CD163L1: variants seen among roughly 807,000 people sequenced by gnomAD.
CD163L1 encodes the protein scavenger receptor cysteine-rich type 1 protein M160.
A neutral mutation model predicts 165.4 loss-of-function variants in CD163L1; 124 were observed. The ratio of observed to expected loss-of-function variants is 0.75; its 90% CI spans 0.65 to 0.87. The LOEUF (loss-of-function observed/expected upper bound fraction) is 0.87. Ranked by LOEUF, CD163L1 falls within the 40% of genes least tolerant of loss-of-function variation. The pLI is 0.00. For missense variants in CD163L1, 1,525 were observed against 1,799.9 expected (o/e 0.85, Z 2.76); for synonymous variants, 585 against 662.2 (o/e 0.88, Z 1.79).
rs1353049534 is a variant in CD163L1 at position 7,400,702 on chromosome 12, A to T, written c.1409-2118T>A. Among the ~76,000 whole-genome samples the T allele has an allele frequency of 6.6e-6, 1 of 152,128 alleles. No individual in the cohort carries two copies. The highest frequency in any genetic ancestry group is 1.5e-5 in the Non-Finnish European group (1 of 68,034). On this transcript the variant is annotated intron_variant, in intron 6 of 19. Coordinates refer to ENST00000313599, the MANE Select transcript of CD163L1 (RefSeq NM_174941.6). This position sits in a 1 kb window ranked among gnomAD's most constrained non-coding sequence, Gnocchi z 4.1. ...CCAACCAATTCATAGGTTTAATATT[A>T]CCTTAAAAACAATTCCAATGTCAAT...
chr12:7,350,562 T>C (rs887794931), downstream of CD163L1, among the ~76,000 whole-genome samples: 2 of 152,198 alleles, frequency 1.3e-5, no homozygotes, highest in East Asian at 3.8e-4. Context: ...CCTCAACTTA[T>C]AAATGTCAAT....
At position 7,400,770 on chromosome 12, in the gene CD163L1, T is replaced by C. The variant is rs750097859; in HGVS notation, c.1409-2186A>G. Among the ~76,000 whole-genome samples, 49 of 152,318 alleles carry C rather than the reference T, an allele frequency of 3.2e-4. 2 individuals are homozygous for C. In the South Asian group the frequency reaches 9.5e-3, roughly 30 times the overall value. On this transcript the variant is annotated intron_variant, in intron 6 of 19. Transcript: ENST00000313599. This position sits in a 1 kb window ranked among gnomAD's most constrained non-coding sequence, Gnocchi z 4.1. ...AAAAGGAAAAAGTAGCAAGGAATTTTATGAAAAATAAGAATACTTAGGCAA... is the reference window on the plus strand; with the variant it reads ...AAAAGGAAAAAGTAGCAAGGAATTTCATGAAAAATAAGAATACTTAGGCAA...
chr12:7,322,557 A>T, the CD163L1 span: 2 of 1,607,580 alleles, frequency 1.2e-6, no homozygotes. Context: ...TCTAAAGGGC[A>T]TTTATGTTTA....
intron 4 of CD163L1, among the ~76,000 whole-genome samples, chr12:7,411,996 T>C (rs771166061): frequency 1.3e-5 from 2 of 152,346 alleles, no homozygotes; most frequent in South Asian, 4.1e-4. Context: ...CATTGGTTAC[T>C]TCCATTCACT....
chr12:7,343,191 A>C (rs1471834231), downstream of CD163L1, among the ~76,000 whole-genome samples: 1 of 152,176 alleles, frequency 6.6e-6, no homozygotes, highest in African/African-American at 2.4e-5. Context: ...GGTTGTTTTG[A>C]GATGAAAGGA....
chr12:7,409,163 A>G (rs1360910509), intron 4 of CD163L1, among the ~76,000 whole-genome samples: 2 of 152,216 alleles, frequency 1.3e-5, no homozygotes, highest in African/African-American at 4.8e-5. Flanking sequence ...TTAATTCAAA[A>G]TGTGTTTTTT....
chr12:7,384,178 AATC>A (rs1030861770), intron 8 of CD163L1, among the ~76,000 whole-genome samples: 4 of 152,038 alleles, frequency 2.6e-5, no homozygotes, highest in African/African-American at 9.7e-5. Flanking sequence ...ACATAAAAAA[AATC>A]AAATAAAGCA....
At chr12:7,322,602 A>C in the CD163L1 span, 1 of 1,541,000 alleles carries the variant, frequency 6.5e-7, no homozygotes. Context: ...CAGGTTTTTC[A>C]ACTGAGCCCC....
Position 7,406,697 on chromosome 12 carries a change from CG to C in CD163L1, c.921del (p.Ala308HisfsTer52), listed in dbSNP as rs1948024199. ...DVVCKQLGCG[T>X]ALHFAGLPHL... Reference sequence around the variant, plus strand: ...TGAGGCAAGCCAGCGAAGTGAAGTGCGGTTCCACATCCCAACTGCTTGCATA... The same window carrying C: ...TGAGGCAAGCCAGCGAAGTGAAGTGCGTTCCACATCCCAACTGCTTGCATA... On this transcript the variant is annotated frameshift_variant, in exon 5 of 20. Transcript: ENST00000313599. LOFTEE classifies it high-confidence loss of function. 9 of 1,614,056 alleles carry C rather than the reference CG, an allele frequency of 5.6e-6. No individual in the cohort carries two copies. Among genetic ancestry groups the C allele is most frequent in the Non-Finnish European group, 7.6e-6 (9 of 1,179,988 alleles).
At chr12:7,395,153 A>G (rs1337379986) in intron 8 of CD163L1, among the ~76,000 whole-genome samples, 2 of 152,242 alleles carry the variant, frequency 1.3e-5, no homozygotes, top group South Asian at 4.1e-4. Context: ...ACATATGTTT[A>G]TTGCGGCACT....
chr12:7,440,629 CTTTTTTT>C, intron 2 of CD163L1, among the ~76,000 whole-genome samples: 1 of 116,382 alleles, frequency 8.6e-6, no homozygotes, highest in East Asian at 2.4e-4. Flanking sequence ...TATCTTTTTT[CTTTTTTT>C]TTTTTTTTGA....
chr12:7,331,087 T>C, the CD163L1 span, among the ~76,000 whole-genome samples: 1 of 152,224 alleles, frequency 6.6e-6, no homozygotes, highest in African/African-American at 2.4e-5. Context: ...ACTCCCACCA[T>C]AATACTGCAC....
At chr12:7,327,181 T>C in the CD163L1 span, 2 of 1,412,624 alleles carry the variant, frequency 1.4e-6, no homozygotes, top group Non-Finnish European at 1.9e-6. Flanking sequence ...TTTGATTTTA[T>C]AGTAGCTCAT....
Position 7,396,105 on chromosome 12 carries a change from C to T in CD163L1, c.2040G>A (p.Val680=). ...GTTTGGGTATCTTACCAGAACAGAT[C>T]ACTCCAACATCTTCACTGTGACTGC... The part of the protein sequence containing the change: ...NDCSHSEDVG[V]ICSDASDMEL... The change falls in exon 8 of 20, where the codon GTG becomes GTA. Residue 680 remains valine, a synonymous_variant. Transcript: ENST00000313599. The T allele has an allele frequency of 6.2e-7, 1 of 1,611,836 alleles. No homozygotes were observed. Among genetic ancestry groups the T allele is most frequent in the Non-Finnish European group, 8.5e-7 (1 of 1,178,784 alleles).
At chr12:7,444,046 G>C in intron 1 of CD163L1, 51 bp downstream of exon 1, 1 of 1,551,476 alleles carries the variant, frequency 6.4e-7, no homozygotes, top group Non-Finnish European at 8.9e-7. Flanking sequence ...CATATTCTTA[G>C]TATACCCACC....
intron 6 of CD163L1, 115 bp downstream of exon 6, chr12:7,403,420 T>C (rs1466472202): frequency 1.4e-5 from 14 of 978,944 alleles, no homozygotes; most frequent in Non-Finnish European, 2.1e-5. Flanking sequence ...TAAGAGTATT[T>C]TGGGTTTTTT....
chr12:7,372,024 A>G lies in CD163L1; in HGVS notation c.3730+1296T>C, dbSNP rs1415612968. On this transcript the variant is annotated intron_variant, in intron 14 of 19. Transcript: ENST00000313599. This position sits in a 1 kb window ranked among gnomAD's most constrained non-coding sequence, Gnocchi z 4.2. ...TTTCAAATTTTTTGTTTGGGGAATG[A>G]TATTATTTTGTGATACAATTACAAT... Among the ~76,000 whole-genome samples, 2 of 151,942 alleles carry G rather than the reference A, an allele frequency of 1.3e-5. No individual in the cohort carries two copies. The highest frequency in any genetic ancestry group is 4.8e-5 in the African/African-American group (2 of 41,384).
rs778469903 is a variant in CD163L1, at chr12:7,361,533, A to G, written c.4280-4047T>C. On this transcript the variant is annotated intron_variant, in intron 18 of 19. Coordinates refer to ENST00000313599, the MANE Select transcript of CD163L1 (RefSeq NM_174941.6). ...TAGTTGCCTGTGCCACATTGGCTGT[A>G]GCAGGGCAGATATGCTTTTGAAACT... Among the ~76,000 whole-genome samples the G allele has an allele frequency of 2.0e-5, 3 of 152,292 alleles. No individual in the cohort carries two copies. The East Asian group carries it at 5.8e-4, about 29-fold the overall frequency.
At chr12:7,406,228 A>G (rs970007561) in intron 5 of CD163L1, among the ~76,000 whole-genome samples, 3 of 152,224 alleles carry the variant, frequency 2.0e-5, no homozygotes, top group Admixed American at 6.5e-5. Context: ...ATGCACTTGT[A>G]TAGATTAACA....
Sources: gnomAD v4.1 joint callset for allele counts (sites outside exome capture counted in the v4.1 genomes callset) on GRCh38, gnomAD v4.1.1 for gene constraint, Gnocchi (gnomAD v3.1) non-coding constraint, MANE v1.5 for transcripts, NCBI Gene and HGNC (gene_info 2026-07-23, HGNC 2026-07-21) for gene names.